MCTP1: variants seen among roughly 807,000 people sequenced by gnomAD.
MCTP1 encodes multiple C2 and transmembrane domain containing 1, also known as multiple C2 and transmembrane domain-containing protein 1.
MCTP1 carries 69 observed loss-of-function variants against 120.6 expected under a neutral mutation model. That is an observed-to-expected ratio of 0.57 (90% confidence interval 0.47 to 0.70). The LOEUF (loss-of-function observed/expected upper bound fraction) is 0.70, where lower values mean the gene tolerates loss of function less well. Ranked by LOEUF, MCTP1 falls within the 30% of genes least tolerant of loss-of-function variation. MCTP1 has a pLI of 0.00. For missense variants in MCTP1, 1,203 were observed against 1,248.8 expected, an observed-to-expected ratio of 0.96 and a Z score of 0.55; for synonymous variants, 529 against 493.1, an observed-to-expected ratio of 1.07 and a Z score of -0.96.
At chr5:94,791,127 A>AAAAAAAG (rs1561642768) in intron 18 of MCTP1, among the ~76,000 whole-genome samples, 2 of 149,454 alleles carry the variant, frequency 1.3e-5, no homozygotes, top group African/African-American at 4.9e-5. Flanking sequence ...AAAAAAAAAA[A>AAAAAAAG]AAAAAAGAAA....
intron 1 of MCTP1, among the ~76,000 whole-genome samples, chr5:95,170,299 T>G (rs1334770954): frequency 2.6e-5 from 4 of 152,220 alleles, no homozygotes; most frequent in Non-Finnish European, 5.9e-5. Context: ...TTTCTGTTCT[T>G]TTACATTTGC....
chr5:95,114,367 G>A (rs566061785), intron 1 of MCTP1, among the ~76,000 whole-genome samples: 60 of 152,212 alleles, frequency 3.9e-4, no homozygotes, highest in Non-Finnish European at 7.8e-4. Flanking sequence ...CCAATTACAG[G>A]CCTTGGCTCT....
In MCTP1 at chr5:95,170,580, G is replaced by T. The variant is rs1747121599; in HGVS notation, c.720+113276C>A. On this transcript the variant is annotated intron_variant, in intron 1 of 22. Coordinates refer to ENST00000515393, the MANE Select transcript of MCTP1 (RefSeq NM_024717.7). Reference sequence around the variant, plus strand: ...GTAAGTCTCTAAGGACTTGCTTTATGAATCTGGGTGCTCCTGTATTGGGTG... The same window carrying T: ...GTAAGTCTCTAAGGACTTGCTTTATTAATCTGGGTGCTCCTGTATTGGGTG... 3.9e-5 allele frequency among the ~76,000 whole-genome samples: 6 copies of T among 152,298 alleles called. No individual in the cohort carries two copies. In the South Asian group the frequency reaches 1.2e-3, roughly 32 times the overall value.
chr5:95,049,026 A>G (rs778037640), intron 1 of MCTP1, among the ~76,000 whole-genome samples: 35 of 152,188 alleles, frequency 2.3e-4, no homozygotes, highest in Non-Finnish European at 4.4e-4. Context: ...AGGCACTGGC[A>G]GTAAAGCTTC....
intron 1 of MCTP1, among the ~76,000 whole-genome samples, chr5:95,282,347 C>G (rs1760391456): frequency 6.6e-6 from 1 of 152,012 alleles, no homozygotes; most frequent in African/African-American, 2.4e-5. Flanking sequence ...AGTTAACATT[C>G]ACGGTAATAT....
chr5:94,745,951 T>C (rs1766798018), intron 19 of MCTP1, among the ~76,000 whole-genome samples: 1 of 152,194 alleles, frequency 6.6e-6, no homozygotes, highest in Admixed American at 6.6e-5. Flanking sequence ...GGTGTTAATA[T>C]GGCTGCCCCA....
intron 1 of MCTP1, among the ~76,000 whole-genome samples, chr5:95,053,565 C>A (rs1026923575): frequency 6.6e-6 from 1 of 152,084 alleles, no homozygotes; most frequent in Non-Finnish European, 1.5e-5. Flanking sequence ...TATTGACAGA[C>A]CGCAATTTGA....
At chr5:95,215,457 T>C (rs1024316938) in intron 1 of MCTP1, among the ~76,000 whole-genome samples, 2 of 152,170 alleles carry the variant, frequency 1.3e-5, no homozygotes, top group African/African-American at 4.8e-5. Context: ...TAAAAAACAA[T>C]AATCAGCTGT....
chr5:94,711,012 CTAGT>C (rs1407027339), intron 20 of MCTP1, 85 bp from the exon 21 acceptor site: 1 of 906,510 alleles, frequency 1.1e-6, no homozygotes, highest in Non-Finnish European at 1.8e-6. Flanking sequence ...AACTTGGGAC[CTAGT>C]TAGTCTGCAT....
At chr5:94,943,171 G>A (rs910884449) in intron 3 of MCTP1, among the ~76,000 whole-genome samples, 4 of 151,994 alleles carry the variant, frequency 2.6e-5, no homozygotes, top group Non-Finnish European at 5.9e-5. Context: ...TAAGTGCTAT[G>A]GAGCAAATAA....
At chr5:94,891,051 A>G (rs1028441890) in intron 11 of MCTP1, among the ~76,000 whole-genome samples, 1 of 152,218 alleles carries the variant, frequency 6.6e-6, no homozygotes, top group Non-Finnish European at 1.5e-5. Context: ...TATGAACTTT[A>G]TCAGTCCCGT....
chr5:95,261,469 A>AT (rs575210075), intron 1 of MCTP1, among the ~76,000 whole-genome samples: 168 of 152,300 alleles, frequency 1.1e-3, no homozygotes, highest in African/African-American at 3.9e-3. Context: ...GTAATAAATG[A>AT]TTTTTTGTAG....
At chr5:95,053,070 T>A (rs1173147912) in intron 1 of MCTP1, among the ~76,000 whole-genome samples, 3 of 152,204 alleles carry the variant, frequency 2.0e-5, no homozygotes, top group African/African-American at 7.2e-5. Flanking sequence ...AAGCAATTAA[T>A]CTATTTTTGG....
chr5:94,882,881 T>C (rs1171103197), intron 12 of MCTP1, among the ~76,000 whole-genome samples: 1 of 152,154 alleles, frequency 6.6e-6, no homozygotes, highest in Non-Finnish European at 1.5e-5. Flanking sequence ...GAATCACACA[T>C]GATTTCTGTA....
chr5:94,855,864 CAGATT>C (rs947253043), intron 17 of MCTP1, among the ~76,000 whole-genome samples: 1 of 151,296 alleles, frequency 6.6e-6, no homozygotes, highest in African/African-American at 2.4e-5. Flanking sequence ...TTAAAACTCT[CAGATT>C]AATTTTAAAA....
chr5:95,047,491 C>CTAATAAAAA (rs1744857738), intron 1 of MCTP1, among the ~76,000 whole-genome samples: 1 of 151,958 alleles, frequency 6.6e-6, no homozygotes, highest in African/African-American at 2.4e-5. Context: ...TGTCAGTGCA[C>CTAATAAAAA]TAATAAAAAT....
chr5:95,118,739 C>T (rs1316071187), intron 1 of MCTP1, among the ~76,000 whole-genome samples: 1 of 152,088 alleles, frequency 6.6e-6, no homozygotes, highest in Non-Finnish European at 1.5e-5. Context: ...TATACCTATC[C>T]TATATCAGCC....
At chr5:95,055,295 A>T (rs1218611865) in intron 1 of MCTP1, among the ~76,000 whole-genome samples, 3 of 152,120 alleles carry the variant, frequency 2.0e-5, no homozygotes, top group Non-Finnish European at 4.4e-5. Flanking sequence ...ATTATTACCA[A>T]TCCTTATTTT....
chr5:94,927,803 T>C (rs1813547324), intron 6 of MCTP1, among the ~76,000 whole-genome samples: 3 of 152,158 alleles, frequency 2.0e-5, no homozygotes, highest in South Asian at 2.1e-4. Flanking sequence ...GAGTTGAAAG[T>C]GTTCTCTAGT....
Sources: gnomAD v4.1 joint callset for allele counts (sites outside exome capture counted in the v4.1 genomes callset) on GRCh38, gnomAD v4.1.1 for gene constraint, MANE v1.5 for transcripts, NCBI Gene and HGNC (gene_info 2026-07-23, HGNC 2026-07-21) for gene names.